Variants in SUGCT observed in about 807,000 individuals in gnomAD.
The protein encoded by SUGCT is succinyl-CoA:glutarate-CoA transferase.
SUGCT carries 41 observed loss-of-function variants against 55.0 expected under a neutral mutation model. The ratio of observed to expected loss-of-function variants is 0.74; its 90% CI spans 0.58 to 0.97. The LOEUF (loss-of-function observed/expected upper bound fraction) is 0.97. Among genes scored for constraint, SUGCT ranks in the 50% least tolerant of loss-of-function variants. SUGCT has a pLI of 0.00. For synonymous variants in SUGCT, 187 were observed against 200.4 expected, an observed-to-expected ratio of 0.93 and a Z score of 0.56; for missense variants, 568 against 547.8, an observed-to-expected ratio of 1.04 and a Z score of -0.37.
At chr7:40,954,432 C>T in the SUGCT span, among the ~76,000 whole-genome samples, 2 of 152,212 alleles carry the variant, frequency 1.3e-5, no homozygotes, top group African/African-American at 2.4e-5. Context: ...TGCTTCAGCT[C>T]ATGCTCAGTG....
chr7:40,931,520 T>A, the SUGCT span, among the ~76,000 whole-genome samples: 5 of 152,332 alleles, frequency 3.3e-5, no homozygotes, highest in Non-Finnish European at 5.9e-5. Flanking sequence ...TTTGTAGTTT[T>A]GCTAGAATTC....
At chr7:40,649,881 T>C (rs1392509294) in intron 12 of SUGCT, among the ~76,000 whole-genome samples, 1 of 152,250 alleles carries the variant, frequency 6.6e-6, no homozygotes, top group Non-Finnish European at 1.5e-5. Flanking sequence ...TGGTTATTTA[T>C]TGCTGCATAA....
intron 9 of SUGCT, among the ~76,000 whole-genome samples, chr7:40,410,223 T>C (rs1786597591): frequency 6.6e-6 from 1 of 152,334 alleles, no homozygotes; most frequent in South Asian, 2.1e-4. Context: ...TGAGCTGCTG[T>C]ATTATATAAC....
chr7:40,613,667 A>G (rs919035847), intron 12 of SUGCT, among the ~76,000 whole-genome samples: 1 of 151,598 alleles, frequency 6.6e-6, no homozygotes, highest in Non-Finnish European at 1.5e-5. Flanking sequence ...CTAGAGTGCA[A>G]TGGCACAATC....
chr7:40,723,855 C>T (rs931503002), intron 12 of SUGCT, among the ~76,000 whole-genome samples: 3 of 152,192 alleles, frequency 2.0e-5, no homozygotes, highest in Non-Finnish European at 4.4e-5. Flanking sequence ...AATATGGGAT[C>T]TCGTTCACCT....
At chr7:40,323,812 A>G (rs1017901350) in intron 9 of SUGCT, among the ~76,000 whole-genome samples, 4 of 152,210 alleles carry the variant, frequency 2.6e-5, no homozygotes, top group Non-Finnish European at 5.9e-5. Flanking sequence ...GGATATGGCC[A>G]GAAGAAAATA....
chr7:40,899,553 G>A, the SUGCT span, among the ~76,000 whole-genome samples: 12 of 152,128 alleles, frequency 7.9e-5, no homozygotes, highest in African/African-American at 2.7e-4. Flanking sequence ...CTCATAAGAC[G>A]GCATTATGAG....
At chr7:40,444,671 AG>A (rs1788711520) in intron 9 of SUGCT, among the ~76,000 whole-genome samples, 1 of 152,210 alleles carries the variant, frequency 6.6e-6, no homozygotes, top group Admixed American at 6.5e-5. Context: ...ATCTGCAAAC[AG>A]GGACAATTTG....
At chr7:40,971,208 G>A in the SUGCT span, among the ~76,000 whole-genome samples, 1 of 152,198 alleles carries the variant, frequency 6.6e-6, no homozygotes, top group East Asian at 1.9e-4. Flanking sequence ...AAGAGAGAGC[G>A]ATGCGGGAGG....
At chr7:40,935,999 G>A in the SUGCT span, among the ~76,000 whole-genome samples, 7 of 152,094 alleles carry the variant, frequency 4.6e-5, no homozygotes, top group African/African-American at 1.7e-4. Flanking sequence ...ATTCAAAAAT[G>A]TATTATACCG....
the SUGCT span, among the ~76,000 whole-genome samples, chr7:40,931,083 T>C: frequency 6.6e-6 from 1 of 152,208 alleles, no homozygotes; most frequent in Non-Finnish European, 1.5e-5. Flanking sequence ...CTTATTGTTT[T>C]GAGATACATT....
chr7:40,548,374 G>T (rs1179852008), intron 12 of SUGCT, among the ~76,000 whole-genome samples: 1 of 151,414 alleles, frequency 6.6e-6, no homozygotes, highest in South Asian at 2.1e-4. Flanking sequence ...AATTTTTAAC[G>T]GTTTTTGTAA....
intron 12 of SUGCT, among the ~76,000 whole-genome samples, chr7:40,659,561 A>G (rs1801201091): frequency 6.6e-6 from 1 of 152,256 alleles, no homozygotes; most frequent in Non-Finnish European, 1.5e-5. Flanking sequence ...GTAGTCACAT[A>G]GAGTAGCCCT....
intron 1 of SUGCT, among the ~76,000 whole-genome samples, chr7:40,180,731 C>T (rs952698519): frequency 7.2e-5 from 11 of 152,156 alleles, no homozygotes; most frequent in Non-Finnish European, 1.3e-4. Flanking sequence ...TCAGGTGATC[C>T]GCCTGCCTCG....
chr7:41,015,315 G>T, the SUGCT span, among the ~76,000 whole-genome samples: 29 of 152,298 alleles, frequency 1.9e-4, no homozygotes, highest in South Asian at 5.8e-3. Context: ...TGTGTTATTT[G>T]TACACATGTT....
chr7:40,675,630 A>G (rs554859033), intron 12 of SUGCT, among the ~76,000 whole-genome samples: 129 of 152,148 alleles, frequency 8.5e-4, no homozygotes, highest in Non-Finnish European at 1.1e-3. Context: ...TGAAGGAGGT[A>G]TGGGAGTTGG....
chr7:40,480,820 A>T (rs1181170743), intron 11 of SUGCT, among the ~76,000 whole-genome samples: 1 of 152,132 alleles, frequency 6.6e-6, no homozygotes, highest in Non-Finnish European at 1.5e-5. Flanking sequence ...TTCAGACCAC[A>T]AAAGTGCCCG....
chr7:40,407,916 C>T (rs778717703), intron 9 of SUGCT, among the ~76,000 whole-genome samples: 4 of 152,024 alleles, frequency 2.6e-5, no homozygotes, highest in Non-Finnish European at 2.9e-5. Flanking sequence ...TGAGTTCAGA[C>T]GTTTTCTTTA....
intron 12 of SUGCT, among the ~76,000 whole-genome samples, chr7:40,528,895 G>T (rs1793940874): frequency 6.6e-6 from 1 of 152,200 alleles, no homozygotes; most frequent in Non-Finnish European, 1.5e-5. Flanking sequence ...CAAGATGGCA[G>T]TCTTCAAGCA....
Sources: allele counts gnomAD v4.1 joint callset (sites outside exome capture counted in the v4.1 genomes callset), GRCh38; gene constraint gnomAD v4.1.1; transcripts MANE v1.5; gene names NCBI Gene and HGNC (gene_info 2026-07-23, HGNC 2026-07-21).